The following PCNX2 variants were observed in gnomAD, a reference collection of about 807,000 sequenced individuals.
The protein encoded by PCNX2 is pecanex-like protein 2.
A neutral mutation model predicts 223.8 loss-of-function variants in PCNX2; 168 were observed. That is an observed-to-expected ratio of 0.75 (90% CI 0.66 to 0.85). The LOEUF (loss-of-function observed/expected upper bound fraction) is 0.85. PCNX2 is among the 40% of genes least tolerant of loss of function. The pLI is 0.00. For synonymous variants in PCNX2, 1,006 were observed against 1,052.6 expected (o/e 0.96, Z 0.86); for missense variants, 2,507 against 2,675.5 (o/e 0.94, Z 1.39).
chr1:233,019,647 A>G (rs1231069012), intron 26 of PCNX2, among the ~76,000 whole-genome samples: 1 of 152,054 alleles, frequency 6.6e-6, no homozygotes, highest in Non-Finnish European at 1.5e-5. Flanking sequence ...TGAGCGTGGG[A>G]CTCAGAGGGG....
At position 233,262,382 on chromosome 1, in the gene PCNX2, T is replaced by A. The variant is rs1005065382; in HGVS notation, c.360-217A>T. The stretch of plus-strand genomic sequence containing the variant: ...ATCATGGCTCACTGCAGCCTCAAGC[T>A]CCTGGACTCAAGTGATCCTCCCACC... On this transcript the variant is annotated intron_variant, in intron 2 of 33. Transcript: ENST00000258229. Among the ~76,000 whole-genome samples the A allele has an allele frequency of 2.6e-5, 4 of 152,184 alleles. No homozygotes were observed. The East Asian group carries it at 5.8e-4, about 22-fold the overall frequency.
chr1:233,277,017 G>A (rs1258813654), intron 1 of PCNX2, among the ~76,000 whole-genome samples: 4 of 152,238 alleles, frequency 2.6e-5, no homozygotes, highest in African/African-American at 4.8e-5. Context: ...TATTGAACTT[G>A]AGCAGTGAAG....
intron 15 of PCNX2, chr1:233,180,965 G>C (rs1679763260): frequency 6.6e-6 from 1 of 152,104 alleles, no homozygotes; most frequent in Non-Finnish European, 1.5e-5. Flanking sequence ...TTCTAATTCT[G>C]TGCAGATGTC....
intron 8 of PCNX2, among the ~76,000 whole-genome samples, chr1:233,246,329 T>G (rs1010891815): frequency 6.6e-6 from 1 of 152,196 alleles, no homozygotes; most frequent in African/African-American, 2.4e-5. Flanking sequence ...CATTCCACAC[T>G]GGGCCAGCTT....
chr1:233,095,860 C>A lies in PCNX2; in HGVS notation c.3841G>T (p.Gly1281Trp). 6.2e-7 allele frequency: 1 copy of A among 1,604,578 alleles called. No homozygotes were observed. The highest frequency in any genetic ancestry group is 1.1e-5 in the South Asian group (1 of 89,222). Residue 1281 changes from glycine to tryptophan, a missense_variant, in exon 22 of 34, where the codon GGG (glycine) becomes TGG (tryptophan). By Grantham distance (184) the Gly-to-Trp change is radical. This residue lies in a region of PCNX2 where 1,372 missense variants were observed against 1,509.4 expected (regional missense o/e 0.91). Transcript: ENST00000258229. ...FMVSILFSKL[G>W]DLLHKLQFVL... ...AACTGTAACTTGTGAAGCAGGTCCCCGAGCTGAAAGTAAAAGAAAAAAAAT... is the reference window on the plus strand; with the variant it reads ...AACTGTAACTTGTGAAGCAGGTCCCAGAGCTGAAAGTAAAAGAAAAAAAAT...
chr1:233,087,333 C>T (rs918303380), intron 23 of PCNX2, among the ~76,000 whole-genome samples: 2 of 152,072 alleles, frequency 1.3e-5, no homozygotes, highest in Admixed American at 6.6e-5. Flanking sequence ...AGCCTGGTGG[C>T]GGCAGTTCAT....
At chr1:233,321,195 AT>A in the PCNX2 span, among the ~76,000 whole-genome samples, 1 of 151,582 alleles carries the variant, frequency 6.6e-6, no homozygotes, top group Non-Finnish European at 1.5e-5. Context: ...AGTCTGAATA[AT>A]TATAATTTGT....
At chr1:233,060,911 A>G (rs1396793800) in intron 23 of PCNX2, among the ~76,000 whole-genome samples, 2 of 152,194 alleles carry the variant, frequency 1.3e-5, no homozygotes, top group Non-Finnish European at 2.9e-5. Context: ...GTTAATACAA[A>G]ATGCAGAGAG....
intron 12 of PCNX2, among the ~76,000 whole-genome samples, chr1:233,213,975 C>T (rs1267119654): frequency 6.6e-6 from 1 of 151,636 alleles, no homozygotes. Context: ...ATTACAGGTG[C>T]CTGCCACCGT....
At chr1:233,179,226 C>A in intron 15 of PCNX2, 51 bp from the exon 16 acceptor site, 1 of 1,563,018 alleles carries the variant, frequency 6.4e-7, no homozygotes, top group Admixed American at 1.7e-5. Context: ...GTGTGAATAG[C>A]AGGATCTCTA....
In PCNX2 at chr1:232,999,377, A is replaced by C; in HGVS notation, c.5331T>G (p.Val1777=). The change falls in exon 31 of 34, where the codon GTT becomes GTG. Residue 1777 remains valine (V), a splice_region_variant and synonymous_variant. Transcript: ENST00000258229. The part of the protein sequence containing the change: ...RSFLSFKVIK[V]NKECVRGLWA... ...AAAGTCCTCGGACGCATTCTTTGTT[A>C]ACCTGCAGGTCAGAGAGGGAACGGG... 6.3e-7 allele frequency: 1 copy of C among 1,591,264 alleles called. No homozygotes were observed. The highest frequency in any genetic ancestry group is 8.6e-7 in the Non-Finnish European group (1 of 1,169,004).
intron 10 of PCNX2, among the ~76,000 whole-genome samples, chr1:233,222,026 G>C (rs1657408328): frequency 6.6e-6 from 1 of 152,076 alleles, no homozygotes; most frequent in African/African-American, 2.4e-5. Context: ...CAACAAAAAA[G>C]TTCAGTAAAA....
Position 232,986,540 on chromosome 1 carries a change from C to CCTT in PCNX2, c.5792-3_5792-1dup (p.Thr1930_Gly1931insGlu). The CCTT allele has an allele frequency of 6.6e-7, 1 of 1,517,210 alleles. No homozygotes were observed. The highest frequency in any genetic ancestry group is 1.3e-5 in the South Asian group (1 of 75,552). 94.0% of individuals were successfully genotyped at this position (1,517,210 alleles called of 1,614,324 possible). A position where few individuals can be genotyped will look rare whatever the true frequency, so the allele number is the denominator to read the frequency against. ...GGACTGGCTCCTGCCTTTCCTCCTG[C>CCTT]CTTTAAAAGAAAGCAGAACACAGAG... On this transcript the variant is annotated inframe_insertion and splice_region_variant. Transcript: ENST00000258229.
chr1:233,015,014 T>C (rs1358047559), intron 27 of PCNX2, among the ~76,000 whole-genome samples: 1 of 152,168 alleles, frequency 6.6e-6, no homozygotes, highest in Admixed American at 6.5e-5. Flanking sequence ...GGGCCTACAA[T>C]GTGGGCTGAT....
intron 1 of PCNX2, among the ~76,000 whole-genome samples, chr1:233,292,259 T>G (rs536452411): frequency 1.4e-5 from 2 of 143,960 alleles, no homozygotes; most frequent in African/African-American, 2.6e-5. Flanking sequence ...CAGCCTGGAG[T>G]GCAGTGGCGT....
chr1:233,219,847 T>C (rs701181), intron 10 of PCNX2, among the ~76,000 whole-genome samples: 98,218 of 151,880 alleles, frequency 0.65, 31,970 homozygotes, highest in East Asian at 0.78. Context: ...GTGGTGTACA[T>C]TGGGTTTTGA....
chr1:233,129,030 G>T (rs934041441), intron 21 of PCNX2, among the ~76,000 whole-genome samples: 14 of 152,346 alleles, frequency 9.2e-5, no homozygotes, highest in African/African-American at 3.4e-4. Context: ...CCATGCTTGG[G>T]GAGCCCTTCA....
At chr1:233,216,961 G>T (rs1473911508) in intron 12 of PCNX2, among the ~76,000 whole-genome samples, 1 of 152,126 alleles carries the variant, frequency 6.6e-6, no homozygotes, top group Non-Finnish European at 1.5e-5. Context: ...TAAGTCAGGT[G>T]CAAAAAGAAA....
At chr1:233,218,373 G>A (rs984413047) in intron 10 of PCNX2, among the ~76,000 whole-genome samples, 189 bp from the exon 11 acceptor site, 5 of 150,278 alleles carry the variant, frequency 3.3e-5, no homozygotes, top group Admixed American at 1.3e-4. Flanking sequence ...CTCAGCCTCC[G>A]GAGTAGCTGG....
Sources: allele counts gnomAD v4.1 joint callset (sites outside exome capture counted in the v4.1 genomes callset), GRCh38; gene constraint gnomAD v4.1.1; regional missense constraint gnomAD v4.1.1; transcripts MANE v1.5; gene names NCBI Gene and HGNC (gene_info 2026-07-23, HGNC 2026-07-21).